The following SNTA1 variants were observed in gnomAD, a reference collection of about 807,000 sequenced individuals.
The protein encoded by SNTA1 is alpha-1-syntrophin.
SNTA1 carries 31 observed loss-of-function variants against 47.1 expected under a neutral mutation model. The ratio of observed to expected loss-of-function variants is 0.66; its 90% confidence interval spans 0.49 to 0.89. The LOEUF is 0.89. SNTA1 is among the 40% of genes least tolerant of loss of function. The probability of loss-of-function intolerance (pLI) is 0.00; values close to 1 mark genes in which losing one functional copy is unlikely to be tolerated. For synonymous variants in SNTA1, 300 were observed against 313.6 expected, an observed-to-expected ratio of 0.96 and a Z score of 0.46; for missense variants, 575 against 693.0, an observed-to-expected ratio of 0.83 and a Z score of 1.91.
chr20:33,408,255 ATC>A lies in SNTA1; in HGVS notation c.*250_*251del. 2 of 541,194 alleles carry A rather than the reference ATC, an allele frequency of 3.7e-6. No homozygotes were observed. Among genetic ancestry groups the A allele is most frequent in the Non-Finnish European group, 6.7e-6 (2 of 297,474 alleles). 33.5% of individuals were successfully genotyped at this position (541,194 alleles called of 1,614,324 possible). A position where few individuals can be genotyped will look rare whatever the true frequency, so the allele number is the denominator to read the frequency against. ...GGAATGGCTTCTGTGTACACAAAAT[ATC>A]TCTCTGCAAAAGGCACTGGTGGAGG... is the stretch of plus-strand genomic sequence containing the variant. On this transcript the variant is annotated 3_prime_UTR_variant, in exon 8 of 8. Transcript: ENST00000217381.
chr20:33,417,535 G>A (rs1389717577), intron 3 of SNTA1, among the ~76,000 whole-genome samples, 184 bp downstream of exon 3: 2 of 152,280 alleles, frequency 1.3e-5, no homozygotes, highest in South Asian at 2.1e-4. Context: ...GAAGAAGTGA[G>A]AAGCAAAGCA....
Position 33,418,679 on chromosome 20 carries a change from G to C in SNTA1, c.497-756C>G, listed in dbSNP as rs917421557. ...GTGGTGGCTCGCACCTGTAATCCCA[G>C]CTACTGGGGAGGCTGAGGCAGGAGA... is the stretch of plus-strand genomic sequence containing the variant. On this transcript the variant is annotated intron_variant, in intron 2 of 7. Coordinates refer to ENST00000217381, the MANE Select transcript of SNTA1 (RefSeq NM_003098.3). Among the ~76,000 whole-genome samples, 7 of 151,148 alleles carry C rather than the reference G, an allele frequency of 4.6e-5. No homozygotes were observed. The East Asian group carries it at 1.4e-3, about 29-fold the overall frequency.
At chr20:33,418,930 A>G (rs1411897086) in intron 2 of SNTA1, among the ~76,000 whole-genome samples, 1 of 151,842 alleles carries the variant, frequency 6.6e-6, no homozygotes, top group Admixed American at 6.6e-5. Context: ...CCTGGCCAAC[A>G]AGGTGAAACC....
At position 33,443,469 on chromosome 20, in the gene SNTA1, G is replaced by A; in HGVS notation, c.152C>T (p.Pro51Leu). The change falls in exon 1 of 8, where the codon CCC (proline) becomes CTC (leucine). Residue 51 changes from proline (P) to leucine (L), a missense_variant. Coordinates refer to ENST00000217381, the MANE Select transcript of SNTA1 (RefSeq NM_003098.3). ...CTGCTCCCGCGGAGCGCCGGGCTCGGGACCAGGGTCGCCGTCGGCGGGGCT... is the reference window on the plus strand; with the variant it reads ...CTGCTCCCGCGGAGCGCCGGGCTCGAGACCAGGGTCGCCGTCGGCGGGGCT... ...TVSPADGDPGPEPGAPREQEP... is the reference protein window; with the variant it reads ...TVSPADGDPGLEPGAPREQEP... The A allele has an allele frequency of 7.3e-7, 1 of 1,378,696 alleles. No homozygotes were observed. Among genetic ancestry groups the A allele is most frequent in the Non-Finnish European group, 9.4e-7 (1 of 1,061,936 alleles). The allele number at this position is 1,378,696 out of a possible 1,614,324, so 85.4% of individuals were successfully genotyped here.
At chr20:33,430,769 T>C (rs1019998805) in intron 2 of SNTA1, among the ~76,000 whole-genome samples, 1 of 151,390 alleles carries the variant, frequency 6.6e-6, no homozygotes, top group Admixed American at 6.6e-5. Context: ...GCTAACATGG[T>C]GAGATCTCAT....
At chr20:33,433,912 T>G (rs114668197) in intron 2 of SNTA1, among the ~76,000 whole-genome samples, 1 of 152,140 alleles carries the variant, frequency 6.6e-6, no homozygotes, top group African/African-American at 2.4e-5. Context: ...AGCCCCCAAC[T>G]TAGGCCAGGG....
At chr20:33,443,194 C>A in intron 1 of SNTA1, 117 bp downstream of exon 1, 1 of 741,100 alleles carries the variant, frequency 1.3e-6, no homozygotes, top group African/African-American at 1.9e-5. Context: ...TCCTCAGACC[C>A]CCCTTACCCC....
intron 1 of SNTA1, among the ~76,000 whole-genome samples, chr20:33,440,175 G>A (rs1371739211): frequency 6.6e-6 from 1 of 151,558 alleles, no homozygotes; most frequent in Non-Finnish European, 1.5e-5. Context: ...AAAAAATATG[G>A]CTGGGCGTGG....
intron 2 of SNTA1, among the ~76,000 whole-genome samples, chr20:33,427,518 C>A (rs1990197290): frequency 6.6e-6 from 1 of 152,152 alleles, no homozygotes; most frequent in Non-Finnish European, 1.5e-5. Flanking sequence ...GGCCCTATAA[C>A]AGGGATGACC....
chr20:33,430,710 A>G (rs904001130), intron 2 of SNTA1, among the ~76,000 whole-genome samples: 2 of 151,476 alleles, frequency 1.3e-5, no homozygotes, highest in African/African-American at 2.4e-5. Flanking sequence ...GCACTTTGGA[A>G]GGCAGAGGAG....
intron 1 of SNTA1, among the ~76,000 whole-genome samples, chr20:33,441,388 A>C (rs897820712): frequency 2.0e-5 from 3 of 152,152 alleles, no homozygotes; most frequent in African/African-American, 7.2e-5. Context: ...ACTGAAGATG[A>C]AGAATTAGTG....
chr20:33,439,143 G>A, intron 1 of SNTA1, 117 bp from the exon 2 acceptor site: 1 of 904,548 alleles, frequency 1.1e-6, no homozygotes, highest in Non-Finnish European at 1.8e-6. Flanking sequence ...TGCTGGAAAA[G>A]GCAATGGGAG....
rs148209032 is a variant in SNTA1 at position 33,441,207 on chromosome 20, T to C, written c.310+2104A>G. 3.9e-5 allele frequency among the ~76,000 whole-genome samples: 6 copies of C among 152,304 alleles called. No individual in the cohort carries two copies. The East Asian group carries it at 9.6e-4, about 24-fold the overall frequency. On this transcript the variant is annotated intron_variant, in intron 1 of 7. Coordinates refer to ENST00000217381, the MANE Select transcript of SNTA1 (RefSeq NM_003098.3). ...CACATAGGTATGTTCAGTTTCCTAT[T>C]AGGGAAACTGAAGTGTGGAGGGAAG...
At chr20:33,439,211 A>C (rs926442612) in intron 1 of SNTA1, among the ~76,000 whole-genome samples, 185 bp from the exon 2 acceptor site, 1 of 152,208 alleles carries the variant, frequency 6.6e-6, no homozygotes, top group Non-Finnish European at 1.5e-5. Context: ...CACTAATAAT[A>C]AATCATTTTT....
chr20:33,443,023 G>T (rs868704898), intron 1 of SNTA1, among the ~76,000 whole-genome samples: 27 of 151,818 alleles, frequency 1.8e-4, no homozygotes, highest in Middle Eastern at 6.8e-3. Flanking sequence ...GTTCATGCTG[G>T]TTACCCCTCA....
intron 2 of SNTA1, among the ~76,000 whole-genome samples, chr20:33,436,250 G>T (rs1990438616): frequency 6.6e-6 from 1 of 152,114 alleles, no homozygotes; most frequent in South Asian, 2.1e-4. Flanking sequence ...GGACCTCCGT[G>T]TGAATGTGGA....
chr20:33,418,035 G>A, intron 2 of SNTA1, 112 bp from the exon 3 acceptor site: 3 of 713,760 alleles, frequency 4.2e-6, no homozygotes, highest in Non-Finnish European at 4.9e-6. Context: ...TAGACCCTTA[G>A]TAAGCAAGAG....
intron 2 of SNTA1, among the ~76,000 whole-genome samples, chr20:33,427,245 G>A (rs6059315): frequency 0.02 from 3,091 of 152,156 alleles, 99 homozygotes; most frequent in African/African-American, 0.069. Flanking sequence ...GTGGTGACAG[G>A]CAGACAAGGA....
chr20:33,408,824 CCA>C lies in SNTA1; in HGVS notation c.1300_1301del (p.Trp434GlyfsTer3), dbSNP rs1273480938. The C allele has an allele frequency of 1.2e-6, 2 of 1,614,210 alleles. No homozygotes were observed. The highest frequency in any genetic ancestry group is 1.7e-6 in the Non-Finnish European group (2 of 1,180,034). ...CTCGGGCTGCACCTGGCTCAGCCGC[CCA>C]CAGTGTGAAGCCCTTGTCGATGTGC... ...SVHIDKGFTL[W>X]AAEPGAARAV... On this transcript the variant is annotated frameshift_variant, in exon 7 of 8. Coordinates refer to ENST00000217381, the MANE Select transcript of SNTA1 (RefSeq NM_003098.3). LOFTEE classifies it high-confidence loss of function.
Sources: allele counts gnomAD v4.1 joint callset (sites outside exome capture counted in the v4.1 genomes callset), GRCh38; gene constraint gnomAD v4.1.1; transcripts MANE v1.5; gene names NCBI Gene and HGNC (gene_info 2026-07-23, HGNC 2026-07-21).